The following COL5A3 variants were observed in gnomAD, a reference collection of about 807,000 sequenced individuals.
COL5A3 encodes collagen alpha-3(V) chain.
COL5A3 carries 172 observed loss-of-function variants against 250.0 expected under a neutral mutation model. The ratio of observed to expected loss-of-function variants is 0.69; its 90% CI spans 0.61 to 0.78. The LOEUF (loss-of-function observed/expected upper bound fraction) is 0.78. Among genes scored for constraint, COL5A3 ranks in the 30% least tolerant of loss-of-function variants. The pLI is 0.00. For missense variants in COL5A3, 2,340 were observed against 2,334.4 expected (o/e 1.00, Z -0.05); for synonymous variants, 937 against 900.4 (o/e 1.04, Z -0.73).
rs376301340 is a variant in COL5A3, at chr19:9,974,415, G to T, written c.3343-7C>A. ...CCTGAGCCCCGTCTGCTCCCTGGAA[G>T]AACACAAACAGGGGCACATTTAAGG... On this transcript the variant is annotated splice_polypyrimidine_tract_variant and splice_region_variant and intron_variant, in intron 45 of 66. Coordinates refer to ENST00000264828, the MANE Select transcript of COL5A3 (RefSeq NM_015719.4). 1 of 1,574,814 alleles carries T rather than the reference G, an allele frequency of 6.3e-7. No individual in the cohort carries two copies. Among genetic ancestry groups the T allele is most frequent in the African/African-American group, 1.4e-5 (1 of 73,262 alleles).
At position 9,967,409 on chromosome 19, in the gene COL5A3, A is replaced by G. The variant is rs773166151; in HGVS notation, c.4405-9T>C. On this transcript the variant is annotated splice_polypyrimidine_tract_variant and intron_variant, in intron 61 of 66. Transcript: ENST00000264828. The stretch of plus-strand genomic sequence containing the variant: ...CGGGGGCCCATGGACCCCTGTAGGG[A>G]GAAGTCACTTGGAGAATGAACCCTG... 3.8e-5 allele frequency: 57 copies of G among 1,500,184 alleles called. No homozygotes were observed. The South Asian group carries it at 6.5e-4, about 17-fold the overall frequency. 92.9% of individuals were successfully genotyped at this position (1,500,184 alleles called of 1,614,324 possible).
At chr19:9,996,739 A>G (rs769962496) in intron 11 of COL5A3, 50 bp from the exon 12 acceptor site, 2 of 1,471,092 alleles carry the variant, frequency 1.4e-6, no homozygotes, top group South Asian at 1.3e-5. Context: ...AGAGGGAGAG[A>G]GAGAGCGAGG....
chr19:9,977,629 C>T lies in COL5A3; in HGVS notation c.3091G>A (p.Gly1031Ser). Residue 1031 changes from glycine to serine, a missense_variant, in exon 42 of 67, where the codon GGC becomes AGC. By Grantham distance (56) the Gly-to-Ser change is moderately conservative. Coordinates refer to ENST00000264828, the MANE Select transcript of COL5A3 (RefSeq NM_015719.4). ...IGLPGQSGSE[G>S]PVGPAGKKGS... ...TTCTTGCCTGCAGGGCCAACGGGGC[C>T]TTCGCTGCCACTTTGGCCAGGAAGT... 6.2e-7 allele frequency: 1 copy of T among 1,606,316 alleles called. No individual in the cohort carries two copies.
chr19:9,980,025 G>A lies in COL5A3; in HGVS notation c.2627C>T (p.Pro876Leu), dbSNP rs150912734. 1 of 1,592,220 alleles carries A rather than the reference G, an allele frequency of 6.3e-7. No homozygotes were observed. Among genetic ancestry groups the A allele is most frequent in the South Asian group, 1.1e-5 (1 of 87,816 alleles). Residue 876 changes from proline to leucine, a missense_variant, in exon 36 of 67, where the codon CCT becomes CTT. Coordinates refer to ENST00000264828, the MANE Select transcript of COL5A3 (RefSeq NM_015719.4). ...GCCCTTTGGCCCAGGGAATCCTGGA[G>A]GGCCTTGCAGACCAGGGAGGCCCTG... ...GEKGLPGLQG[P>L]PGFPGPKGPP...
At chr19:10,007,842 C>T (rs2087464957) in intron 1 of COL5A3, among the ~76,000 whole-genome samples, 1 of 152,092 alleles carries the variant, frequency 6.6e-6, no homozygotes, top group Non-Finnish European at 1.5e-5. Flanking sequence ...TCCTTCTCTC[C>T]CCATCCCTGC....
At position 9,969,910 on chromosome 19, in the gene COL5A3, G is replaced by A; in HGVS notation, c.3949C>T (p.His1317Tyr). 6.2e-7 allele frequency: 1 copy of A among 1,609,692 alleles called. No individual in the cohort carries two copies. Among genetic ancestry groups the A allele is most frequent in the Non-Finnish European group, 8.5e-7 (1 of 1,178,956 alleles). The change falls in exon 55 of 67, where the codon CAC becomes TAC. Residue 1317 changes from histidine (H) to tyrosine (Y), a missense_variant. His to Tyr is a moderately conservative substitution (Grantham distance 83). This residue lies in a region of COL5A3 where 1,179 missense variants were observed against 1,162.6 expected (regional missense o/e 1.01). Transcript: ENST00000264828. ...GPPGKRGPSG[H>Y]MGREGREGEK... ...CCTTCTCTGCCTTCTCGACCCATGT[G>A]GCCTGAAGGACCCTTGGAAGGGAAA...
At chr19:9,991,471 T>C in intron 24 of COL5A3, 139 bp downstream of exon 24, 1 of 673,986 alleles carries the variant, frequency 1.5e-6, no homozygotes, top group Non-Finnish European at 2.5e-6. Context: ...ACACTTTGTA[T>C]CTCCGGGCTG....
chr19:10,003,906 C>T (rs541076698), intron 5 of COL5A3, 135 bp downstream of exon 5: 298 of 1,006,514 alleles, frequency 3.0e-4, no homozygotes, highest in Non-Finnish European at 3.6e-4. Context: ...GTCATTCATG[C>T]CTGGGATGTG....
chr19:9,986,911 G>A (rs926732189), intron 27 of COL5A3, among the ~76,000 whole-genome samples, 153 bp from the exon 28 acceptor site: 2 of 152,116 alleles, frequency 1.3e-5, no homozygotes, highest in African/African-American at 4.8e-5. Context: ...TCTTTCCCCA[G>A]AGGCCCCTCC....
chr19:9,970,840 C>T lies in COL5A3; in HGVS notation c.3882+135G>A, dbSNP rs147322081. The T allele has an allele frequency of 4.3e-4, 461 of 1,069,288 alleles. 1 individual carries two copies. The African/African-American group carries it at 7.1e-3, about 17-fold the overall frequency. 66.2% of individuals were successfully genotyped at this position (1,069,288 alleles called of 1,614,324 possible). ...CAAGCTGCTCACATTCCTGGGGGTCCCCAGAGAGGTGAAGCGGGAGCATCT... is the reference window on the plus strand; with the variant it reads ...CAAGCTGCTCACATTCCTGGGGGTCTCCAGAGAGGTGAAGCGGGAGCATCT... On this transcript the variant is annotated intron_variant, in intron 53 of 66. Coordinates refer to ENST00000264828, the MANE Select transcript of COL5A3 (RefSeq NM_015719.4).
intron 39 of COL5A3, 44 bp downstream of exon 39, chr19:9,979,088 G>T: frequency 6.7e-7 from 1 of 1,496,898 alleles, no homozygotes; most frequent in South Asian, 1.3e-5. Flanking sequence ...GTCCTTGGTT[G>T]ATCTTGGATG....
chr19:9,984,417 A>C (rs2087065158), intron 31 of COL5A3, among the ~76,000 whole-genome samples: 1 of 152,224 alleles, frequency 6.6e-6, no homozygotes, highest in Non-Finnish European at 1.5e-5. Context: ...GAATCTCATC[A>C]GTGTCCTCAC....
chr19:10,000,320 T>C (rs2087340948), intron 8 of COL5A3, among the ~76,000 whole-genome samples: 1 of 152,062 alleles, frequency 6.6e-6, no homozygotes, highest in African/African-American at 2.4e-5. Context: ...ATGGAGCATG[T>C]CCCAAAGTGG....
chr19:9,984,238 G>T (rs1456411564), intron 31 of COL5A3, among the ~76,000 whole-genome samples: 2 of 152,066 alleles, frequency 1.3e-5, no homozygotes, highest in African/African-American at 2.4e-5. Flanking sequence ...GGCCAGGCTG[G>T]TGGTGAACTC....
At position 9,979,166 on chromosome 19, in the gene COL5A3, C is replaced by T. The variant is rs778484250; in HGVS notation, c.2840G>A (p.Gly947Asp). ...PGPPGPPGEQ[G>D]LPGLEGREGA... Reference sequence around the variant, plus strand: ...CTCTCTGCCTTCCAGGCCAGGAAGACCTTGTTCACCAGGAGGTCCAGGGGG... The same window carrying T: ...CTCTCTGCCTTCCAGGCCAGGAAGATCTTGTTCACCAGGAGGTCCAGGGGG... The change falls in exon 39 of 67, where the codon GGT becomes GAT. Residue 947 changes from glycine to aspartate, a missense_variant. This residue lies in a region of COL5A3 where 1,179 missense variants were observed against 1,162.6 expected (regional missense o/e 1.01). Coordinates refer to ENST00000264828, the MANE Select transcript of COL5A3 (RefSeq NM_015719.4). 3 of 1,600,116 alleles carry T rather than the reference C, an allele frequency of 1.9e-6. No individual in the cohort carries two copies. Among genetic ancestry groups the T allele is most frequent in the East Asian group, 2.2e-5 (1 of 44,816 alleles).
At chr19:9,966,842 C>A in intron 62 of COL5A3, 96 bp from the exon 63 acceptor site, 2 of 937,324 alleles carry the variant, frequency 2.1e-6, no homozygotes, top group South Asian at 1.6e-5. Context: ...GGCAGACAGA[C>A]ACAAATGAGA....
chr19:9,997,092 GAGAGAC>G, intron 11 of COL5A3: 1 of 562,242 alleles, frequency 1.8e-6, no homozygotes, highest in East Asian at 3.1e-5. Context: ...AGAGACAGAA[GAGAGAC>G]AGAGACAGAG....
At chr19:10,005,067 A>T (rs893646213) in intron 4 of COL5A3, among the ~76,000 whole-genome samples, 1 of 151,952 alleles carries the variant, frequency 6.6e-6, no homozygotes, top group African/African-American at 2.4e-5. Flanking sequence ...GTCACAATTT[A>T]TGGTCTTGGC....
chr19:9,978,586 G>A lies in COL5A3; in HGVS notation c.3006C>T (p.Pro1002=), dbSNP rs12610207. 879,201 of 1,571,880 alleles carry A rather than the reference G, an allele frequency of 0.56. 251,367 individuals are homozygous for A. Among genetic ancestry groups the A allele is most frequent in the African/African-American group, 0.9 (65,212 of 72,674 alleles). ...GGGTTATACTTACATTGGCCCCCACGGGCCCTGGGGGGCCCTTATCACCCT... is the reference window on the plus strand; with the variant it reads ...GGGTTATACTTACATTGGCCCCCACAGGCCCTGGGGGGCCCTTATCACCCT... The part of the protein sequence containing the change: ...GLKGDKGPPG[P]VGANGSPGER... Residue 1002 remains proline (P), a synonymous_variant, in exon 41 of 67, where the codon CCC becomes CCT. Coordinates refer to ENST00000264828, the MANE Select transcript of COL5A3 (RefSeq NM_015719.4).
Sources: allele counts gnomAD v4.1 joint callset (sites outside exome capture counted in the v4.1 genomes callset), GRCh38; gene constraint gnomAD v4.1.1; regional missense constraint gnomAD v4.1.1; transcripts MANE v1.5; gene names NCBI Gene and HGNC (gene_info 2026-07-23, HGNC 2026-07-21).